Variants in KSR2 observed in about 807,000 individuals in gnomAD.
The protein encoded by KSR2 is kinase suppressor of ras 2.
A neutral mutation model predicts 107.8 loss-of-function variants in KSR2; 25 were observed. The observed-to-expected ratio is 0.23, with a 90% CI of 0.17 to 0.32. The LOEUF is 0.32. KSR2 is among the 10% of genes least tolerant of loss of function. The probability of loss-of-function intolerance (pLI) is 1.00; values close to 1 mark genes in which losing one functional copy is unlikely to be tolerated. For missense variants in KSR2, 887 were observed against 1,268.9 expected (o/e 0.70, Z 4.57); for synonymous variants, 480 against 507.0 (o/e 0.95, Z 0.71).
Position 117,555,302 on chromosome 12 carries a change from G to A in KSR2, c.1394-9C>T. ...GACTAACCTTGCTGGATCCGTAGGG[G>A]TAAAAACATTGATTTGGGAGTTTAA... is the stretch of plus-strand genomic sequence containing the variant. On this transcript the variant is annotated splice_polypyrimidine_tract_variant and intron_variant, in intron 8 of 19. Transcript: ENST00000339824. 1 of 1,613,668 alleles carries A rather than the reference G, an allele frequency of 6.2e-7. No individual in the cohort carries two copies. The highest frequency in any genetic ancestry group is 8.5e-7 in the Non-Finnish European group (1 of 1,179,702).
chr12:117,569,443 G>A (rs187982505), intron 7 of KSR2, among the ~76,000 whole-genome samples: 8 of 152,264 alleles, frequency 5.3e-5, no homozygotes, highest in East Asian at 1.9e-4. Context: ...AAGAGGACTC[G>A]TATAAAGGCC....
chr12:117,957,795 C>T (rs1325217611), intron 1 of KSR2, among the ~76,000 whole-genome samples: 8 of 149,050 alleles, frequency 5.4e-5, no homozygotes, highest in Non-Finnish European at 1.2e-4. Flanking sequence ...GAACACAAGG[C>T]AAAAGGAAAG....
chr12:117,481,564 G>C (rs1330690943), intron 16 of KSR2, among the ~76,000 whole-genome samples: 1 of 152,196 alleles, frequency 6.6e-6, no homozygotes, highest in East Asian at 1.9e-4. Flanking sequence ...TGGACTTTCA[G>C]CCTCCAGAAC....
rs1480817893 is a variant in KSR2, at chr12:117,461,439, T to C, written c.*5760A>G. 6.6e-6 allele frequency: 1 copy of C among 152,258 alleles called. No individual in the cohort carries two copies. The highest frequency in any genetic ancestry group is 2.4e-5 in the African/African-American group (1 of 41,460). 9.4% of individuals were successfully genotyped at this position (152,258 alleles called of 1,614,324 possible). A position where few individuals can be genotyped will look rare whatever the true frequency, so the allele number is the denominator to read the frequency against. The stretch of plus-strand genomic sequence containing the variant: ...ACCCAGCAAACCTCTCTGTCTGCAT[T>C]CTGTAAACATTTCTTGAGCACTTAC... On this transcript the variant is annotated 3_prime_UTR_variant, in exon 20 of 20. Coordinates refer to ENST00000339824, the MANE Select transcript of KSR2 (RefSeq NM_173598.6).
chr12:117,727,494 A>T (rs1416124134), intron 4 of KSR2, among the ~76,000 whole-genome samples: 2 of 151,780 alleles, frequency 1.3e-5, no homozygotes, highest in Non-Finnish European at 2.9e-5. Context: ...GAGGAAGAGG[A>T]GGAGGAAGAA....
intron 4 of KSR2, among the ~76,000 whole-genome samples, chr12:117,685,281 A>C (rs1018758345): frequency 1.3e-5 from 2 of 152,158 alleles, no homozygotes; most frequent in Admixed American, 1.3e-4. Flanking sequence ...CAAACCCATA[A>C]ATCGGTTACA....
chr12:117,646,367 G>T (rs1883640173), intron 5 of KSR2, among the ~76,000 whole-genome samples: 1 of 152,088 alleles, frequency 6.6e-6, no homozygotes, highest in Non-Finnish European at 1.5e-5. Flanking sequence ...CAGCTCACTG[G>T]GTCCTCGTGG....
chr12:117,942,072 C>T (rs1337587022), intron 1 of KSR2, among the ~76,000 whole-genome samples: 2 of 151,922 alleles, frequency 1.3e-5, no homozygotes, highest in Admixed American at 1.3e-4. Context: ...TCTCTTTTTG[C>T]TTACTTTTAA....
chr12:117,740,227 A>T (rs931108239), intron 4 of KSR2, among the ~76,000 whole-genome samples: 1 of 149,984 alleles, frequency 6.7e-6, no homozygotes. Context: ...ATAGTCCCCA[A>T]TCCCATCCAG....
At chr12:117,527,595 T>C (rs904248143) in intron 12 of KSR2, among the ~76,000 whole-genome samples, 3 of 152,240 alleles carry the variant, frequency 2.0e-5, no homozygotes, top group Non-Finnish European at 4.4e-5. Flanking sequence ...GTGTTCTTGT[T>C]TGTCTGTTCA....
At chr12:117,629,212 T>C (rs906631180) in intron 5 of KSR2, among the ~76,000 whole-genome samples, 1 of 152,226 alleles carries the variant, frequency 6.6e-6, no homozygotes, top group African/African-American at 2.4e-5. Flanking sequence ...CTGTGCCCAC[T>C]GTCCAACCAG....
At chr12:117,481,434 T>C (rs1036082361) in intron 16 of KSR2, among the ~76,000 whole-genome samples, 4 of 151,610 alleles carry the variant, frequency 2.6e-5, no homozygotes, top group Non-Finnish European at 5.9e-5. Context: ...ATCAGAGACC[T>C]CTCTCTCTCT....
At chr12:117,708,405 G>T (rs1886614546) in intron 4 of KSR2, among the ~76,000 whole-genome samples, 1 of 152,082 alleles carries the variant, frequency 6.6e-6, no homozygotes, top group Non-Finnish European at 1.5e-5. Flanking sequence ...GACCTGCCTC[G>T]GTTAATGAGT....
At chr12:117,773,560 G>A (rs901250616) in intron 3 of KSR2, among the ~76,000 whole-genome samples, 3 of 152,170 alleles carry the variant, frequency 2.0e-5, no homozygotes, top group African/African-American at 7.2e-5. Flanking sequence ...TAGCTCTTCA[G>A]AGGCAGAAGT....
chr12:117,793,735 TCATAC>T (rs1176194222), intron 3 of KSR2, among the ~76,000 whole-genome samples: 2 of 112,858 alleles, frequency 1.8e-5, no homozygotes, highest in Non-Finnish European at 3.5e-5. Flanking sequence ...CAGCATGCAC[TCATAC>T]CATGCACATA....
chr12:117,662,159 A>C (rs7311197), intron 5 of KSR2, among the ~76,000 whole-genome samples: 2 of 152,088 alleles, frequency 1.3e-5, no homozygotes, highest in Non-Finnish European at 2.9e-5. Context: ...GGTAACTCCA[A>C]TAGGATATCT....
chr12:117,685,692 G>T (rs1315025757), intron 4 of KSR2, among the ~76,000 whole-genome samples: 1 of 152,214 alleles, frequency 6.6e-6, no homozygotes, highest in Non-Finnish European at 1.5e-5. Flanking sequence ...GGGCCCAGAA[G>T]AGGAAATAGC....
chr12:117,775,740 T>A (rs1259090449), intron 3 of KSR2, among the ~76,000 whole-genome samples: 2 of 152,076 alleles, frequency 1.3e-5, no homozygotes, highest in Non-Finnish European at 2.9e-5. Flanking sequence ...CCATCTAGAA[T>A]GTTACTCAGC....
chr12:117,814,715 C>T (rs74566161), intron 3 of KSR2, among the ~76,000 whole-genome samples: 37 of 152,262 alleles, frequency 2.4e-4, no homozygotes, highest in African/African-American at 8.9e-4. Flanking sequence ...AACTCTACCT[C>T]GGTGCCTTGT....
Sources: allele counts gnomAD v4.1 joint callset (sites outside exome capture counted in the v4.1 genomes callset), GRCh38; gene constraint gnomAD v4.1.1; transcripts MANE v1.5; gene names NCBI Gene and HGNC (gene_info 2026-07-23, HGNC 2026-07-21).